The following BRF1 variants were observed in gnomAD, a reference collection of about 807,000 sequenced individuals.
BRF1 encodes the protein BRF1 general transcription factor IIIB subunit.
Under a neutral mutation model 81.7 loss-of-function variants are expected in BRF1, and 59 were observed. The ratio of observed to expected loss-of-function variants is 0.72; its 90% CI spans 0.59 to 0.90. The LOEUF (loss-of-function observed/expected upper bound fraction) is 0.90, where lower values mean the gene tolerates loss of function less well. Ranked by LOEUF, BRF1 falls within the 40% of genes least tolerant of loss-of-function variation. The pLI is 0.00. For synonymous variants in BRF1, 491 were observed against 395.6 expected (o/e 1.24, Z -2.86); for missense variants, 1,050 against 936.3 (o/e 1.12, Z -1.58).
At chr14:105,301,739 C>A (rs1385853894), upstream of BRF1, among the ~76,000 whole-genome samples, 1 of 152,244 alleles carries the variant, frequency 6.6e-6, no homozygotes, top group East Asian at 1.9e-4. Context: ...CCTCGCTGTG[C>A]CCCCTGCCCA....
chr14:105,299,051 T>C (rs1276169777), intron 1 of BRF1, among the ~76,000 whole-genome samples: 4 of 151,218 alleles, frequency 2.6e-5, no homozygotes, highest in South Asian at 2.1e-4. Context: ...TGGGCTCCTG[T>C]AGTCCCAGCT....
At chr14:105,294,123 G>A (rs963902731) in intron 1 of BRF1, among the ~76,000 whole-genome samples, 1 of 152,172 alleles carries the variant, frequency 6.6e-6, no homozygotes, top group Non-Finnish European at 1.5e-5. Context: ...CTGGGAGACA[G>A]AGGGGCTGCC....
chr14:105,212,377 C>T, intron 15 of BRF1: 1 of 582,800 alleles, frequency 1.7e-6, no homozygotes, highest in Non-Finnish European at 3.0e-6. Context: ...CAACAGCGAG[C>T]AGCACTCGAC....
chr14:105,305,543 G>A (rs938546513), upstream of BRF1, among the ~76,000 whole-genome samples: 7 of 152,186 alleles, frequency 4.6e-5, no homozygotes, highest in African/African-American at 7.2e-5. Context: ...TGCCAGCACC[G>A]TCCTGTGAAA....
intron 1 of BRF1, among the ~76,000 whole-genome samples, chr14:105,310,533 CAA>C (rs764203821): frequency 2.5e-5 from 2 of 79,722 alleles, no homozygotes; most frequent in African/African-American, 5.2e-5. Flanking sequence ...GACTCTGTCT[CAA>C]AAAAAAAAAA....
At chr14:105,256,100 G>A (rs2055852044) in intron 4 of BRF1, 8 of 1,172,676 alleles carry the variant, frequency 6.8e-6, no homozygotes, top group Non-Finnish European at 8.9e-6. Context: ...ACTCCAGCCT[G>A]GGTGACAGAG....
chr14:105,264,467 A>T (rs952665487), intron 3 of BRF1, among the ~76,000 whole-genome samples: 2 of 151,972 alleles, frequency 1.3e-5, no homozygotes, highest in African/African-American at 4.8e-5. Flanking sequence ...TATCGGGACC[A>T]TCCTGGCTAA....
At chr14:105,305,233 TCTACAAAAA>T (rs941255660), upstream of BRF1, among the ~76,000 whole-genome samples, 2 of 152,042 alleles carry the variant, frequency 1.3e-5, no homozygotes, top group Non-Finnish European at 2.9e-5. Flanking sequence ...AAACCCTGAC[TCTACAAAAA>T]CTACAAAAAC....
intron 5 of BRF1, among the ~76,000 whole-genome samples, chr14:105,245,585 C>T (rs1272352885): frequency 6.6e-6 from 1 of 152,022 alleles, no homozygotes; most frequent in African/African-American, 2.4e-5. Flanking sequence ...CAGGACAGGA[C>T]AGGACAGGAC....
At chr14:105,253,210 G>C (rs2055701518) in intron 4 of BRF1, among the ~76,000 whole-genome samples, 1 of 152,252 alleles carries the variant, frequency 6.6e-6, no homozygotes, top group Admixed American at 6.5e-5. Flanking sequence ...TCTAGCCTGT[G>C]TGCAGACCCT....
chr14:105,219,903 G>A, intron 12 of BRF1, 166 bp downstream of exon 12: 1 of 715,664 alleles, frequency 1.4e-6, no homozygotes, highest in Non-Finnish European at 2.3e-6. Flanking sequence ...AGAGAGTGTG[G>A]GGGGGGGTCC....
At chr14:105,226,884 G>T in intron 7 of BRF1, 124 bp from the exon 8 acceptor site, 1 of 1,457,988 alleles carries the variant, frequency 6.9e-7, no homozygotes, top group Non-Finnish European at 9.3e-7. Context: ...CAAGGTGGGT[G>T]GATTGCTTGA....
intron 5 of BRF1, chr14:105,248,578 C>CGGGTACGGGCTCGGGCGGGA (rs2055313475): frequency 1.1e-5 from 1 of 88,130 alleles, no homozygotes; most frequent in African/African-American, 1.5e-4. Flanking sequence ...CTCGGGCGGG[C>CGGGTACGGGCTCGGGCGGGA]GGGCGGGCGG....
At chr14:105,248,292 C>T (rs1447142981) in intron 5 of BRF1, 52 of 985,356 alleles carry the variant, frequency 5.3e-5, no homozygotes, top group Non-Finnish European at 6.1e-5. Context: ...GCCAAACAAG[C>T]AGGTCCACCT....
At chr14:105,250,450 C>A in intron 5 of BRF1, 1 of 1,614,020 alleles carries the variant, frequency 6.2e-7, no homozygotes, top group Non-Finnish European at 8.5e-7. Context: ...GATCCAGTAA[C>A]ACCTTCCCGG....
In BRF1 at chr14:105,221,853, C is replaced by T. The variant is rs1462183112; in HGVS notation, c.1110G>A (p.Leu370=). Residue 370 remains leucine (L), a synonymous_variant, in exon 11 of 18, where the codon CTG becomes CTA. Transcript: ENST00000547530. ...TGTTCAGGTGGCTGGCCGCGGCTTC[C>T]AGCTCCTCGTCCTCTGTGTCCTCCT... The part of the protein sequence containing the change: ...CGEEDTEDEE[L]EAAASHLNKD... 1.9e-6 allele frequency: 3 copies of T among 1,605,462 alleles called. No homozygotes were observed. The highest frequency in any genetic ancestry group is 2.7e-5 in the African/African-American group (2 of 74,758).
intron 1 of BRF1, among the ~76,000 whole-genome samples, chr14:105,306,522 C>T (rs774456269): frequency 6.6e-6 from 1 of 151,940 alleles, no homozygotes; most frequent in African/African-American, 2.4e-5. Context: ...CCAGGATGGC[C>T]TCGATCTCCT....
intron 3 of BRF1, 60 bp from the exon 4 acceptor site, chr14:105,256,609 T>A: frequency 6.3e-7 from 1 of 1,598,778 alleles, no homozygotes; most frequent in East Asian, 2.2e-5. Context: ...TCGCCCACCT[T>A]CAAATGGGCA....
intron 3 of BRF1, among the ~76,000 whole-genome samples, chr14:105,263,614 C>T (rs937915386): frequency 1.3e-5 from 2 of 152,118 alleles, no homozygotes; most frequent in African/African-American, 4.8e-5. Flanking sequence ...CCTGCGTGCT[C>T]TCTGCTTGCT....
Sources: allele counts gnomAD v4.1 joint callset (sites outside exome capture counted in the v4.1 genomes callset), GRCh38; gene constraint gnomAD v4.1.1; transcripts MANE v1.5; gene names NCBI Gene and HGNC (gene_info 2026-07-23, HGNC 2026-07-21).